MALT1: variants seen among roughly 807,000 people sequenced by gnomAD.
MALT1 encodes MALT1 paracaspase, also known as mucosa-associated lymphoid tissue lymphoma translocation protein 1.
A neutral mutation model predicts 85.5 loss-of-function variants in MALT1; 36 were observed. The ratio of observed to expected loss-of-function variants is 0.42; its 90% CI spans 0.32 to 0.56. The LOEUF (loss-of-function observed/expected upper bound fraction) is 0.56. MALT1 is among the 20% of genes least tolerant of loss of function. The pLI is 0.10. For missense variants in MALT1, 716 were observed against 981.6 expected (o/e 0.73, Z 3.62); for synonymous variants, 359 against 361.3 (o/e 0.99, Z 0.07).
intron 8 of MALT1, among the ~76,000 whole-genome samples, chr18:58,714,493 G>C (rs2054873686): frequency 6.6e-6 from 1 of 152,094 alleles, no homozygotes; most frequent in African/African-American, 2.4e-5. Context: ...AGACCCCTGG[G>C]ACCTTTTTCT....
intron 4 of MALT1, among the ~76,000 whole-genome samples, chr18:58,705,640 C>A (rs1244921996): frequency 1.3e-5 from 2 of 150,398 alleles, no homozygotes; most frequent in Non-Finnish European, 3.0e-5. Context: ...CATGTCCCTA[C>A]AAAGGACATG....
At chr18:58,732,762 C>CTATATATATATATATATATAT (rs879522631) in intron 10 of MALT1, among the ~76,000 whole-genome samples, 2,686 of 150,566 alleles carry the variant, frequency 0.018, 91 homozygotes, top group African/African-American at 0.062. Flanking sequence ...ATCCTAGCTG[C>CTATATATATATATATATATAT]ATTCTTTTTT....
At chr18:58,716,231 AC>A (rs1164868688) in intron 9 of MALT1, among the ~76,000 whole-genome samples, 1 of 152,238 alleles carries the variant, frequency 6.6e-6, no homozygotes, top group Non-Finnish European at 1.5e-5. Context: ...ACAAAAAGAA[AC>A]ATGTACATGC....
At chr18:58,678,688 GT>G (rs1466208508) in intron 1 of MALT1, among the ~76,000 whole-genome samples, 1 of 152,130 alleles carries the variant, frequency 6.6e-6, no homozygotes, top group East Asian at 1.9e-4. Context: ...TCTAAGACTG[GT>G]TTTTGTATTT....
intron 1 of MALT1, 139 bp downstream of exon 1, chr18:58,671,991 C>T (rs1296686791): frequency 1.2e-5 from 6 of 498,050 alleles, no homozygotes; most frequent in Non-Finnish European, 1.8e-5. Context: ...GGACTTCGGT[C>T]ATTGAGGCGG....
intron 7 of MALT1, among the ~76,000 whole-genome samples, chr18:58,713,132 A>C (rs1229315802): frequency 6.6e-6 from 1 of 152,182 alleles, no homozygotes; most frequent in Non-Finnish European, 1.5e-5. Context: ...ACATGTGCTG[A>C]CTCAGACCTT....
intron 8 of MALT1, 100 bp from the exon 9 acceptor site, chr18:58,715,835 T>C (rs1430219888): frequency 2.5e-6 from 2 of 803,662 alleles, no homozygotes; most frequent in African/African-American, 3.5e-5. Flanking sequence ...GAAACTATAT[T>C]CTGTAAGTGA....
At chr18:58,739,543 T>C (rs1338098900) in intron 13 of MALT1, among the ~76,000 whole-genome samples, 1 of 152,198 alleles carries the variant, frequency 6.6e-6, no homozygotes, top group African/African-American at 2.4e-5. Context: ...AAGATTAAAG[T>C]TTAAATTGAT....
At chr18:58,675,961 C>G (rs1303015902) in intron 1 of MALT1, among the ~76,000 whole-genome samples, 1 of 152,114 alleles carries the variant, frequency 6.6e-6, no homozygotes, top group Non-Finnish European at 1.5e-5. Context: ...TTGTTCAGTC[C>G]AAAAACTTCG....
chr18:58,726,811 G>A (rs2055061232), intron 10 of MALT1, among the ~76,000 whole-genome samples: 1 of 152,180 alleles, frequency 6.6e-6, no homozygotes, highest in Non-Finnish European at 1.5e-5. Context: ...GCTTAGTTGT[G>A]CTTTCGTGTA....
At chr18:58,732,845 C>T (rs2055170655) in intron 10 of MALT1, among the ~76,000 whole-genome samples, 1 of 151,358 alleles carries the variant, frequency 6.6e-6, no homozygotes, top group Admixed American at 6.6e-5. Context: ...TTAGGATATA[C>T]TTCAGACAGC....
In MALT1 at chr18:58,744,405, G is replaced by A; in HGVS notation, c.1821G>A (p.Glu607=). 3 of 1,610,732 alleles carry A rather than the reference G, an allele frequency of 1.9e-6. No individual in the cohort carries two copies. Among genetic ancestry groups the A allele is most frequent in the Middle Eastern group, 1.7e-4 (1 of 6,050 alleles). ...GVQIQLGFAA[E]FSNVMIIYTS... ...AGATTCAATTAGGATTTGCAGCTGA[G>A]TTTTCCAATGTCATGATCATCTATA... is the stretch of plus-strand genomic sequence containing the variant. The change falls in exon 15 of 17, where the codon GAG becomes GAA. Residue 607 remains glutamate (E), a synonymous_variant. Transcript: ENST00000649217.
At chr18:58,682,420 C>T (rs2054336159) in intron 2 of MALT1, among the ~76,000 whole-genome samples, 1 of 152,320 alleles carries the variant, frequency 6.6e-6, no homozygotes, top group East Asian at 1.9e-4. Flanking sequence ...CAATCCTGTT[C>T]TCAACGCATT....
rs1434838317 is a variant in MALT1 at position 58,744,329 on chromosome 18, C to G, written c.1754-9C>G. 2 of 1,580,658 alleles carry G rather than the reference C, an allele frequency of 1.3e-6. No individual in the cohort carries two copies. The highest frequency in any genetic ancestry group is 1.7e-6 in the Non-Finnish European group (2 of 1,163,270). On this transcript the variant is annotated splice_polypyrimidine_tract_variant and intron_variant, in intron 14 of 16. Transcript: ENST00000649217. Reference sequence around the variant, plus strand: ...ACCTACCAAAGTTGTTCTTATTGTTCTTTTTCAGAACTTCCAGAAAGTATG... The same window carrying G: ...ACCTACCAAAGTTGTTCTTATTGTTGTTTTTCAGAACTTCCAGAAAGTATG...
intron 7 of MALT1, among the ~76,000 whole-genome samples, chr18:58,711,268 A>G (rs951353217): frequency 6.6e-6 from 1 of 152,222 alleles, no homozygotes; most frequent in African/African-American, 2.4e-5. Flanking sequence ...TTTTATCTAC[A>G]TAAAATTTGT....
chr18:58,725,189 G>T, intron 10 of MALT1, among the ~76,000 whole-genome samples: 1 of 151,886 alleles, frequency 6.6e-6, no homozygotes. Context: ...GGGCGTGGTG[G>T]TGCATGCCTG....
Position 58,754,140 on chromosome 18 carries a change from C to G in MALT1, c.*6298C>G, listed in dbSNP as rs2055481895. ...CTAACCAGAGGTGTTACTATACCCT[C>G]CAGGATAACCCAGCTAGTAAGGGCA... is the stretch of plus-strand genomic sequence containing the variant. On this transcript the variant is annotated 3_prime_UTR_variant, in exon 17 of 17. Transcript: ENST00000649217. The G allele has an allele frequency of 1.3e-5, 2 of 152,234 alleles. No individual in the cohort carries two copies. The highest frequency in any genetic ancestry group is 4.2e-4 in the South Asian group (2 of 4,794). The allele number at this position is 152,234 out of a possible 1,614,324, so 9.4% of individuals were successfully genotyped here.
intron 7 of MALT1, among the ~76,000 whole-genome samples, chr18:58,711,548 A>G (rs2054831112): frequency 6.6e-6 from 1 of 152,208 alleles, no homozygotes; most frequent in Non-Finnish European, 1.5e-5. Flanking sequence ...CTATTTCAAC[A>G]TAAACTTCTA....
chr18:58,722,626 A>T (rs2055000372), intron 9 of MALT1, among the ~76,000 whole-genome samples: 2 of 152,166 alleles, frequency 1.3e-5, no homozygotes, highest in Non-Finnish European at 2.9e-5. Context: ...TCTTGTTTTT[A>T]GCCTCTTCCA....
Sources: gnomAD v4.1 joint callset for allele counts (sites outside exome capture counted in the v4.1 genomes callset) on GRCh38, gnomAD v4.1.1 for gene constraint, MANE v1.5 for transcripts, NCBI Gene and HGNC (gene_info 2026-07-23, HGNC 2026-07-21) for gene names.